The following DLC1 variants were observed in gnomAD, a reference collection of about 807,000 sequenced individuals.
The protein encoded by DLC1 is DLC1 Rho GTPase activating protein.
In DLC1, 54 loss-of-function variants were observed where a neutral mutation model predicts 140.3. The ratio of observed to expected loss-of-function variants is 0.38; its 90% CI spans 0.31 to 0.48. DLC1 has a LOEUF of 0.48. Ranked by LOEUF, DLC1 falls within the 20% of genes least tolerant of loss-of-function variation. DLC1 has a pLI of 0.96. For missense variants in DLC1, 2,536 were observed against 1,907.0 expected (o/e 1.33, Z -6.14); for synonymous variants, 986 against 728.1 (o/e 1.35, Z -5.70).
intron 5 of DLC1, chr8:13,116,371 C>G (rs1174352992): frequency 3.2e-6 from 1 of 316,518 alleles, no homozygotes; most frequent in African/African-American, 2.3e-5. Context: ...TTAAAACTCA[C>G]TGGAGCACAT....
At position 13,440,848 on chromosome 8, in the gene DLC1, C is replaced by T. The variant is rs59790270; in HGVS notation, c.1024-39229G>A. On this transcript the variant is annotated intron_variant, in intron 2 of 17. Transcript: ENST00000276297. ...GCCACGTAAGAAGTGCCTTTTGCTT[C>T]CCGCCGTGATTCTGAGGCCTCTCCA... Among the ~76,000 whole-genome samples the T allele has an allele frequency of 3.1e-3, 468 of 152,296 alleles. 1 individual carries two copies. The highest frequency in any genetic ancestry group is 0.011 in the African/African-American group (460 of 41,558).
At chr8:13,191,935 T>TATG (rs1554466542) in intron 5 of DLC1, among the ~76,000 whole-genome samples, 1 of 148,260 alleles carries the variant, frequency 6.7e-6, no homozygotes, top group Non-Finnish European at 1.5e-5. Flanking sequence ...TGATTATTAT[T>TATG]ATTATTATTA....
At chr8:13,265,472 A>G (rs2117352855) in intron 5 of DLC1, among the ~76,000 whole-genome samples, 1 of 152,318 alleles carries the variant, frequency 6.6e-6, no homozygotes, top group Admixed American at 6.5e-5. Flanking sequence ...AGTGGGAGTC[A>G]TGCTCAGGGT....
At chr8:13,108,324 G>C (rs1819770747) in intron 7 of DLC1, among the ~76,000 whole-genome samples, 1 of 152,140 alleles carries the variant, frequency 6.6e-6, no homozygotes, top group Admixed American at 6.5e-5. Context: ...AATTTTTAAA[G>C]CGCTCTGACA....
chr8:13,099,230 G>C, intron 9 of DLC1, 117 bp downstream of exon 9: 1 of 1,476,972 alleles, frequency 6.8e-7, no homozygotes. Flanking sequence ...CCTTCCTTAG[G>C]AATGGACATG....
At chr8:13,321,896 C>T (rs1027972697) in intron 4 of DLC1, among the ~76,000 whole-genome samples, 3 of 152,120 alleles carry the variant, frequency 2.0e-5, no homozygotes, top group Non-Finnish European at 2.9e-5. Flanking sequence ...AAATGTGCTA[C>T]ATTCTGTGTT....
intron 8 of DLC1, 110 bp from the exon 9 acceptor site, chr8:13,100,880 G>C (rs930688263): frequency 2.1e-6 from 2 of 972,670 alleles, no homozygotes; most frequent in Non-Finnish European, 2.8e-6. Flanking sequence ...TTTCCCCCTT[G>C]TACTTCATGA....
chr8:13,473,222 T>C (rs1406327678), intron 2 of DLC1, among the ~76,000 whole-genome samples: 1 of 152,198 alleles, frequency 6.6e-6, no homozygotes, highest in African/African-American at 2.4e-5. Flanking sequence ...CTTTAGTGGC[T>C]GATATGATTT....
intron 5 of DLC1, chr8:13,132,976 C>T: frequency 6.2e-7 from 1 of 1,611,156 alleles, no homozygotes. Flanking sequence ...CTTCTTTCTG[C>T]ACATCAAGCA....
At chr8:13,187,647 T>C (rs1423742134) in intron 5 of DLC1, among the ~76,000 whole-genome samples, 1 of 152,224 alleles carries the variant, frequency 6.6e-6, no homozygotes, top group Middle Eastern at 3.2e-3. Context: ...AAATTGGAGA[T>C]ACTATGTGGG....
At chr8:13,263,567 A>G (rs1228577744) in intron 5 of DLC1, among the ~76,000 whole-genome samples, 1 of 151,076 alleles carries the variant, frequency 6.6e-6, no homozygotes, top group Non-Finnish European at 1.5e-5. Context: ...TTTATATATG[A>G]TATATAATAC....
intron 4 of DLC1, among the ~76,000 whole-genome samples, chr8:13,348,441 G>T (rs1834472718): frequency 6.6e-6 from 1 of 152,168 alleles, no homozygotes; most frequent in South Asian, 2.1e-4. Flanking sequence ...GACATTGAGA[G>T]ATTTGCATTT....
chr8:13,483,114 C>T (rs1038380662), intron 2 of DLC1, among the ~76,000 whole-genome samples: 3 of 152,136 alleles, frequency 2.0e-5, no homozygotes, highest in Non-Finnish European at 2.9e-5. Context: ...TCAGGCGCTC[C>T]TCTACTTATG....
At chr8:13,579,657 T>G (rs1024437916) in intron 1 of DLC1, among the ~76,000 whole-genome samples, 2 of 139,024 alleles carry the variant, frequency 1.4e-5, no homozygotes, top group Non-Finnish European at 3.0e-5. Context: ...ATAAAAAATA[T>G]ATACACATAC....
At chr8:13,288,775 G>C (rs1193041270) in intron 5 of DLC1, among the ~76,000 whole-genome samples, 4 of 152,150 alleles carry the variant, frequency 2.6e-5, no homozygotes, top group African/African-American at 9.7e-5. Context: ...AACTTTCTAG[G>C]GGAGGAAAGA....
chr8:13,249,806 A>G (rs1318989742), intron 5 of DLC1, among the ~76,000 whole-genome samples: 2 of 152,134 alleles, frequency 1.3e-5, no homozygotes, highest in Admixed American at 1.3e-4. Flanking sequence ...ATCCTAAATT[A>G]TCCCCATTGA....
intron 1 of DLC1, among the ~76,000 whole-genome samples, chr8:13,539,481 T>C (rs2117327469): frequency 6.6e-6 from 1 of 152,264 alleles, no homozygotes; most frequent in African/African-American, 2.4e-5. Flanking sequence ...ATTACAGGCG[T>C]GAGCCACTGC....
chr8:13,466,763 T>A (rs1799962036), intron 2 of DLC1, among the ~76,000 whole-genome samples: 1 of 152,214 alleles, frequency 6.6e-6, no homozygotes, highest in Non-Finnish European at 1.5e-5. Flanking sequence ...ACCAAAGTTC[T>A]ATGTACATTA....
intron 5 of DLC1, among the ~76,000 whole-genome samples, chr8:13,245,783 C>G (rs976210736): frequency 6.6e-6 from 1 of 152,134 alleles, no homozygotes; most frequent in Non-Finnish European, 1.5e-5. Flanking sequence ...TCACTACAAC[C>G]TCAGCTCCCT....
Sources: allele counts gnomAD v4.1 joint callset (sites outside exome capture counted in the v4.1 genomes callset), GRCh38; gene constraint gnomAD v4.1.1; transcripts MANE v1.5; gene names NCBI Gene and HGNC (gene_info 2026-07-23, HGNC 2026-07-21).